PRKCI: variants seen among roughly 807,000 people sequenced by gnomAD.
PRKCI encodes protein kinase C iota type.
PRKCI carries 43 observed loss-of-function variants against 84.0 expected under a neutral mutation model. The observed-to-expected ratio is 0.51, with a 90% confidence interval of 0.40 to 0.66. The LOEUF (loss-of-function observed/expected upper bound fraction) is 0.66. Among genes scored for constraint, PRKCI ranks in the 30% least tolerant of loss-of-function variants. PRKCI has a pLI of 0.00. For synonymous variants in PRKCI, 216 were observed against 234.4 expected (o/e 0.92, Z 0.72); for missense variants, 459 against 745.6 (o/e 0.62, Z 4.48).
At chr3:170,274,755 G>A (rs1458739283) in intron 7 of PRKCI, among the ~76,000 whole-genome samples, 1 of 151,942 alleles carries the variant, frequency 6.6e-6, no homozygotes, top group Admixed American at 6.6e-5. Context: ...AGAAGTAGAA[G>A]TTCCATCCTT....
intron 2 of PRKCI, among the ~76,000 whole-genome samples, chr3:170,242,039 A>G (rs1489520149): frequency 2.0e-5 from 3 of 152,112 alleles, no homozygotes; most frequent in African/African-American, 7.2e-5. Context: ...AACCCGAGAG[A>G]TGGAGGTTGC....
intron 2 of PRKCI, among the ~76,000 whole-genome samples, chr3:170,241,155 A>G (rs1300612643): frequency 6.6e-6 from 1 of 152,200 alleles, no homozygotes; most frequent in Non-Finnish European, 1.5e-5. Context: ...GGTAATTAAC[A>G]CATCTATTAC....
intron 17 of PRKCI, among the ~76,000 whole-genome samples, chr3:170,302,179 C>T (rs566566178): frequency 1.8e-4 from 27 of 152,330 alleles, no homozygotes; most frequent in African/African-American, 6.3e-4. Flanking sequence ...TCTTCAGCAT[C>T]ATCTAACACA....
intron 8 of PRKCI, among the ~76,000 whole-genome samples, chr3:170,278,971 T>G (rs1734181693): frequency 6.6e-6 from 1 of 152,182 alleles, no homozygotes; most frequent in South Asian, 2.1e-4. Flanking sequence ...CAGCATGAGA[T>G]TTGAGATTTG....
At chr3:170,287,024 C>T (rs1311497020) in intron 12 of PRKCI, among the ~76,000 whole-genome samples, 1 of 151,918 alleles carries the variant, frequency 6.6e-6, no homozygotes, top group Non-Finnish European at 1.5e-5. Context: ...CAAGCCACCA[C>T]GCCCGACTGA....
At chr3:170,266,181 G>A (rs747293037) in intron 4 of PRKCI, among the ~76,000 whole-genome samples, 16 of 152,080 alleles carry the variant, frequency 1.1e-4, no homozygotes, top group South Asian at 8.3e-4. Context: ...AGATTTGATC[G>A]TTTGGAACCT....
intron 1 of PRKCI, among the ~76,000 whole-genome samples, chr3:170,227,351 G>A (rs968752771): frequency 7.2e-5 from 11 of 152,180 alleles, no homozygotes; most frequent in Non-Finnish European, 1.2e-4. Context: ...TGTAGAGGTA[G>A]GTAAGGCTCT....
intron 12 of PRKCI, among the ~76,000 whole-genome samples, chr3:170,285,975 A>G (rs1255310582): frequency 1.3e-5 from 2 of 148,328 alleles, no homozygotes; most frequent in Non-Finnish European, 3.0e-5. Flanking sequence ...CCCAGGCTGG[A>G]GTACAATGGC....
intron 2 of PRKCI, among the ~76,000 whole-genome samples, chr3:170,252,020 C>T (rs577413504): frequency 1.3e-5 from 2 of 152,180 alleles, no homozygotes; most frequent in South Asian, 4.1e-4. Flanking sequence ...TCGATACCAT[C>T]CTGGCTAACA....
intron 6 of PRKCI, 35 bp downstream of exon 6, chr3:170,270,596 T>TTTTC: frequency 6.6e-7 from 1 of 1,507,564 alleles, no homozygotes. Context: ...TTTTTTTTTT[T>TTTTC]AAGAGCGTGC....
rs758729458 is a variant in PRKCI, at chr3:170,281,741, C to T, written c.981-141C>T. Reference sequence around the variant, plus strand: ...CTCGTATGTTCCGTACCCTAGATACCCTTTGTTTCCACCAAAATTTTGGCA... The same window carrying T: ...CTCGTATGTTCCGTACCCTAGATACTCTTTGTTTCCACCAAAATTTTGGCA... On this transcript the variant is annotated intron_variant, in intron 10 of 17. Coordinates refer to ENST00000295797, the MANE Select transcript of PRKCI (RefSeq NM_002740.6). The T allele has an allele frequency of 4.4e-6, 5 of 1,148,710 alleles. No homozygotes were observed. The African/African-American group carries it at 6.3e-5, about 15-fold the overall frequency. 71.2% of individuals were successfully genotyped at this position (1,148,710 alleles called of 1,614,324 possible).
Position 170,299,125 on chromosome 3 carries a change from A to G in PRKCI, c.1703+15A>G. The G allele has an allele frequency of 6.7e-7, 1 of 1,495,564 alleles. No homozygotes were observed. The highest frequency in any genetic ancestry group is 9.0e-7 in the Non-Finnish European group (1 of 1,116,032). The allele number at this position is 1,495,564 out of a possible 1,614,324, so 92.6% of individuals were successfully genotyped here. A position where few individuals can be genotyped will look rare whatever the true frequency, so the allele number is the denominator to read the frequency against. ...CCAGATGACGAGTAAGTAATTCTGT[A>G]CACTGAAATTTTTTTTTAAGTTCTT... On this transcript the variant is annotated intron_variant, in intron 17 of 17. Coordinates refer to ENST00000295797, the MANE Select transcript of PRKCI (RefSeq NM_002740.6).
chr3:170,239,909 A>G (rs968266777), intron 2 of PRKCI, among the ~76,000 whole-genome samples: 5 of 152,114 alleles, frequency 3.3e-5, no homozygotes, highest in African/African-American at 1.2e-4. Context: ...GCATTTTGGG[A>G]GGCCAAGGCA....
At position 170,260,055 on chromosome 3, in the gene PRKCI, C is replaced by A; in HGVS notation, c.310C>A (p.His104Asn). The A allele has an allele frequency of 6.3e-7, 1 of 1,597,470 alleles. No homozygotes were observed. Among genetic ancestry groups the A allele is most frequent in the South Asian group, 1.1e-5 (1 of 90,014 alleles). Reference protein sequence around the residue: ...ELNKDSELLIHVFPCVPERPG... With the variant: ...ELNKDSELLINVFPCVPERPG... Reference sequence around the variant, plus strand: ...AAACAAGGATTCTGAACTCTTGATTCATGGTAAGAGAGTAGTCATTTCATA... The same window carrying A: ...AAACAAGGATTCTGAACTCTTGATTAATGGTAAGAGAGTAGTCATTTCATA... The change falls in exon 3 of 18, where the codon CAT (histidine) becomes AAT (asparagine). Residue 104 changes from histidine (H) to asparagine (N), a missense_variant. His to Asn is a moderately conservative substitution (Grantham distance 68). Coordinates refer to ENST00000295797, the MANE Select transcript of PRKCI (RefSeq NM_002740.6).
intron 7 of PRKCI, 128 bp from the exon 8 acceptor site, chr3:170,275,101 T>C: frequency 8.7e-7 from 1 of 1,148,846 alleles, no homozygotes. Context: ...TAATGAAAAT[T>C]TATTCAGAAG....
chr3:170,237,960 A>G (rs1733022697), intron 2 of PRKCI, among the ~76,000 whole-genome samples: 1 of 152,140 alleles, frequency 6.6e-6, no homozygotes, highest in Non-Finnish European at 1.5e-5. Context: ...CTTTATTAAC[A>G]GTTTTATTAA....
intron 2 of PRKCI, among the ~76,000 whole-genome samples, chr3:170,249,374 A>G (rs983906159): frequency 3.3e-5 from 5 of 152,076 alleles, no homozygotes; most frequent in African/African-American, 1.2e-4. Context: ...CATTGGTATC[A>G]TTTACGACAG....
chr3:170,222,504 C>G lies in PRKCI; in HGVS notation c.-166C>G. The G allele has an allele frequency of 1.8e-6, 1 of 555,666 alleles. No individual in the cohort carries two copies. Among genetic ancestry groups the G allele is most frequent in the Non-Finnish European group, 2.9e-6 (1 of 341,056 alleles). 34.4% of individuals were successfully genotyped at this position (555,666 alleles called of 1,614,324 possible). A position where few individuals can be genotyped will look rare whatever the true frequency, so the allele number is the denominator to read the frequency against. On this transcript the variant is annotated 5_prime_UTR_variant, in exon 1 of 18. Transcript: ENST00000295797. Reference sequence around the variant, plus strand: ...AGTGGGAGGAGCCGCGCGGTTCCGGCTGCTCCGGCGAGGCGACCCTTGGGT... The same window carrying G: ...AGTGGGAGGAGCCGCGCGGTTCCGGGTGCTCCGGCGAGGCGACCCTTGGGT...
intron 1 of PRKCI, among the ~76,000 whole-genome samples, chr3:170,231,011 G>A (rs1732777941): frequency 6.8e-6 from 1 of 147,914 alleles, no homozygotes; most frequent in East Asian, 2.0e-4. Flanking sequence ...CCAGGCTGGA[G>A]CGCAGTGGCG....
Sources: gnomAD v4.1 joint callset for allele counts (sites outside exome capture counted in the v4.1 genomes callset) on GRCh38, gnomAD v4.1.1 for gene constraint, MANE v1.5 for transcripts, NCBI Gene and HGNC (gene_info 2026-07-23, HGNC 2026-07-21) for gene names.